ZNF236: variants seen among roughly 807,000 people sequenced by gnomAD.
ZNF236 encodes the protein regulated by glucose.
A neutral mutation model predicts 191.2 loss-of-function variants in ZNF236; 50 were observed. The observed-to-expected ratio is 0.26, with a 90% confidence interval of 0.21 to 0.33. ZNF236 has a LOEUF of 0.33. Ranked by LOEUF, ZNF236 falls within the 10% of genes least tolerant of loss-of-function variation. ZNF236 has a pLI of 1.00. For missense variants in ZNF236, 1,754 were observed against 2,374.5 expected, an observed-to-expected ratio of 0.74 and a Z score of 5.43; for synonymous variants, 907 against 928.8, an observed-to-expected ratio of 0.98 and a Z score of 0.43.
chr18:76,913,906 T>C lies in ZNF236; in HGVS notation c.3061+8T>C. On this transcript the variant is annotated splice_region_variant and intron_variant, in intron 18 of 30. Coordinates refer to ENST00000320610, the MANE Select transcript of ZNF236 (RefSeq NM_001306089.2). Reference sequence around the variant, plus strand: ...ACGAGAAGACACACACAGGTCACTGTCTGCCTTATACTTGGAGATTAGTCC... The same window carrying C: ...ACGAGAAGACACACACAGGTCACTGCCTGCCTTATACTTGGAGATTAGTCC... The C allele has an allele frequency of 4.3e-6, 7 of 1,614,158 alleles. No individual in the cohort carries two copies. Among genetic ancestry groups the C allele is most frequent in the Non-Finnish European group, 5.1e-6 (6 of 1,180,002 alleles).
intron 9 of ZNF236, among the ~76,000 whole-genome samples, chr18:76,881,832 C>T (rs1271483086): frequency 3.3e-5 from 5 of 152,204 alleles, no homozygotes; most frequent in Admixed American, 3.3e-4. Context: ...CCTGCTTAGG[C>T]GCCTCCTCTC....
Position 76,915,776 on chromosome 18 carries a change from C to G in ZNF236, c.3191C>G (p.Thr1064Ser), listed in dbSNP as rs1447169590. ...KCPFCEEGFR[T>S]TVHCKKHMKR... ...CCGTTTTGTGAGGAGGGTTTCCGAA[C>G]TACAGTGCATTGTAAAAAGCACATG... Residue 1064 changes from threonine (T) to serine (S), a missense_variant, in exon 19 of 31, where the codon ACT (threonine) becomes AGT (serine). Coordinates refer to ENST00000320610, the MANE Select transcript of ZNF236 (RefSeq NM_001306089.2). The G allele has an allele frequency of 6.2e-7, 1 of 1,614,072 alleles. No individual in the cohort carries two copies. The highest frequency in any genetic ancestry group is 1.3e-5 in the African/African-American group (1 of 74,912).
intron 1 of ZNF236, among the ~76,000 whole-genome samples, chr18:76,833,788 G>A (rs1010219942): frequency 1.3e-5 from 2 of 152,084 alleles, no homozygotes; most frequent in African/African-American, 4.8e-5. Flanking sequence ...TAAATCTGTG[G>A]TAGAATTCCC....
At chr18:76,956,303 G>A (rs1968523158) in intron 28 of ZNF236, 121 bp downstream of exon 28, 4 of 1,160,452 alleles carry the variant, frequency 3.4e-6, no homozygotes, top group Non-Finnish European at 4.9e-6. Context: ...CGGTTTTTGA[G>A]GAAAAGGTCA....
chr18:76,930,245 TTCTC>T (rs796312621), intron 25 of ZNF236, among the ~76,000 whole-genome samples: 11 of 152,356 alleles, frequency 7.2e-5, no homozygotes, highest in African/African-American at 2.2e-4. Flanking sequence ...CATCTCCTGT[TTCTC>T]TTTCTTTAGC....
At chr18:76,835,599 C>T (rs1466616324) in intron 1 of ZNF236, among the ~76,000 whole-genome samples, 7 of 152,078 alleles carry the variant, frequency 4.6e-5, no homozygotes, top group African/African-American at 1.7e-4. Context: ...GATGTTGGTA[C>T]ACCTGCACCA....
chr18:76,928,783 G>A (rs1332764208), intron 25 of ZNF236, among the ~76,000 whole-genome samples: 2 of 151,892 alleles, frequency 1.3e-5, no homozygotes, highest in African/African-American at 4.8e-5. Flanking sequence ...TTCCTGGTGT[G>A]CTTTGCTCAC....
intron 22 of ZNF236, among the ~76,000 whole-genome samples, chr18:76,926,519 G>A (rs1967682035): frequency 6.6e-6 from 1 of 152,036 alleles, no homozygotes; most frequent in Non-Finnish European, 1.5e-5. Context: ...ATGGTAGAAA[G>A]TAGGTTTCTG....
chr18:76,903,449 T>C (rs988574926), intron 11 of ZNF236, among the ~76,000 whole-genome samples: 1 of 152,172 alleles, frequency 6.6e-6, no homozygotes, highest in African/African-American at 2.4e-5. Context: ...TCTGTATTTT[T>C]ATGGAAAGTC....
intron 1 of ZNF236, among the ~76,000 whole-genome samples, chr18:76,839,708 G>A (rs1303926995): frequency 6.6e-6 from 1 of 152,006 alleles, no homozygotes; most frequent in Non-Finnish European, 1.5e-5. Flanking sequence ...CAAGATGCAT[G>A]TTTTATTGAA....
intron 27 of ZNF236, among the ~76,000 whole-genome samples, chr18:76,955,133 G>A (rs1968491632): frequency 6.6e-6 from 1 of 152,158 alleles, no homozygotes; most frequent in African/African-American, 2.4e-5. Flanking sequence ...AGTCAGCCAG[G>A]TACAGTGTCT....
At chr18:76,843,189 G>T (rs1975561112) in intron 1 of ZNF236, among the ~76,000 whole-genome samples, 1 of 152,168 alleles carries the variant, frequency 6.6e-6, no homozygotes, top group South Asian at 2.1e-4. Flanking sequence ...CAGTTTTGAG[G>T]TGGAGAGCAT....
chr18:76,955,396 A>G (rs1046536874), intron 27 of ZNF236, among the ~76,000 whole-genome samples: 1 of 152,196 alleles, frequency 6.6e-6, no homozygotes, highest in Admixed American at 6.5e-5. Flanking sequence ...CAGCCTGGGC[A>G]AGAGAGCAAG....
chr18:76,849,329 T>C (rs2122504039), intron 1 of ZNF236, 197 bp from the exon 2 acceptor site: 1 of 496,682 alleles, frequency 2.0e-6, no homozygotes, highest in South Asian at 3.1e-5. Flanking sequence ...TCCCATATCT[T>C]AGTCATCTCA....
chr18:76,902,673 G>C (rs1287886169), intron 11 of ZNF236, among the ~76,000 whole-genome samples: 1 of 152,284 alleles, frequency 6.6e-6, no homozygotes, highest in Non-Finnish European at 1.5e-5. Flanking sequence ...CCGGGTTCAA[G>C]CGATTCTCCT....
intron 30 of ZNF236, among the ~76,000 whole-genome samples, chr18:76,961,367 T>TTGTGTGTGTG (rs58383689): frequency 6.8e-6 from 1 of 146,838 alleles, no homozygotes; most frequent in East Asian, 2.0e-4. Flanking sequence ...TAGTATTCCA[T>TTGTGTGTGTG]TGTGTGTGTG....
chr18:76,943,272 T>A (rs919015321), intron 26 of ZNF236, among the ~76,000 whole-genome samples: 1 of 152,216 alleles, frequency 6.6e-6, no homozygotes, highest in Admixed American at 6.5e-5. Flanking sequence ...GTGATAATTT[T>A]AATTCAGAGA....
chr18:76,846,635 T>A (rs906431517), intron 1 of ZNF236, among the ~76,000 whole-genome samples: 2 of 152,212 alleles, frequency 1.3e-5, no homozygotes, highest in Non-Finnish European at 2.9e-5. Context: ...TGTTTTAAGT[T>A]TGTGTCTGAA....
chr18:76,930,546 C>T (rs1195619248), intron 25 of ZNF236, among the ~76,000 whole-genome samples: 1 of 152,160 alleles, frequency 6.6e-6, no homozygotes, highest in East Asian at 1.9e-4. Flanking sequence ...GGTTTTGAAT[C>T]AAGCAAATGT....
Sources: gnomAD v4.1 joint callset for allele counts (sites outside exome capture counted in the v4.1 genomes callset) on GRCh38, gnomAD v4.1.1 for gene constraint, MANE v1.5 for transcripts, NCBI Gene and HGNC (gene_info 2026-07-23, HGNC 2026-07-21) for gene names.